Variants in SLC25A18 observed in about 807,000 individuals in gnomAD.
SLC25A18 encodes the protein mitochondrial glutamate carrier 2.
A neutral mutation model predicts 31.1 loss-of-function variants in SLC25A18; 24 were observed. The observed-to-expected ratio is 0.77, with a 90% confidence interval of 0.56 to 1.08. The LOEUF is 1.08. Among genes scored for constraint, SLC25A18 ranks in the 50% least tolerant of loss-of-function variants. SLC25A18 has a pLI of 0.00. For missense variants in SLC25A18, 371 were observed against 418.5 expected, an observed-to-expected ratio of 0.89 and a Z score of 0.99; for synonymous variants, 173 against 161.9, an observed-to-expected ratio of 1.07 and a Z score of -0.52.
chr22:17,563,701 A>G lies in SLC25A18; in HGVS notation c.-276A>G, dbSNP rs1333618696. ...CTGAGATGAACGTCGACTCGCTTGC[A>G]GGCAAGTTGTCAGTAAGTATTTATT... On this transcript the variant is annotated 5_prime_UTR_variant, in exon 1 of 11. Transcript: ENST00000327451. 3 of 985,292 alleles carry G rather than the reference A, an allele frequency of 3.0e-6. No homozygotes were observed. In the South Asian group the frequency reaches 1.4e-4, roughly 46 times the overall value. 61.0% of individuals were successfully genotyped at this position (985,292 alleles called of 1,614,324 possible).
Position 17,579,910 on chromosome 22 carries a change from C to A in SLC25A18, c.-35C>A. The stretch of plus-strand genomic sequence containing the variant: ...AACAGCGGCTACCCCAAGGAGCCAG[C>A]AGCCTTGTGTCCTGGGATCCCCAGC... On this transcript the variant is annotated 5_prime_UTR_variant, in exon 3 of 11. Transcript: ENST00000327451. 1 of 1,604,524 alleles carries A rather than the reference C, an allele frequency of 6.2e-7. No individual in the cohort carries two copies. The highest frequency in any genetic ancestry group is 8.5e-7 in the Non-Finnish European group (1 of 1,176,166).
chr22:17,580,803 C>G (rs994338525), intron 3 of SLC25A18: 2 of 1,286,800 alleles, frequency 1.6e-6, no homozygotes, highest in Admixed American at 3.8e-5. Flanking sequence ...CCCAGAAGCC[C>G]CTGCAGGTCC....
At chr22:17,563,940 G>T (rs778037037) in intron 1 of SLC25A18, among the ~76,000 whole-genome samples, 1 of 152,168 alleles carries the variant, frequency 6.6e-6, no homozygotes, top group Admixed American at 6.6e-5. Context: ...CCATGCAATC[G>T]TACCGGGAGG....
At chr22:17,585,094 A>G (rs1436442810) in intron 7 of SLC25A18, among the ~76,000 whole-genome samples, 1 of 151,830 alleles carries the variant, frequency 6.6e-6, no homozygotes, top group Non-Finnish European at 1.5e-5. Context: ...ACTAGTCTCC[A>G]GTAAAAAAAA....
chr22:17,571,932 G>A (rs1355638488), intron 2 of SLC25A18, among the ~76,000 whole-genome samples: 9 of 151,750 alleles, frequency 5.9e-5, no homozygotes, highest in Admixed American at 3.9e-4. Context: ...CAGGAGAATC[G>A]CTTGAACCTA....
chr22:17,583,641 T>G, intron 7 of SLC25A18, 107 bp downstream of exon 7: 8 of 1,449,024 alleles, frequency 5.5e-6, no homozygotes, highest in Non-Finnish European at 6.4e-6. Context: ...CAGTCAACTT[T>G]CCAAGCAGGT....
At chr22:17,574,526 T>C (rs1254032677) in intron 2 of SLC25A18, among the ~76,000 whole-genome samples, 2 of 151,116 alleles carry the variant, frequency 1.3e-5, no homozygotes. Flanking sequence ...TTTTTTTATT[T>C]TTTTTTTTGA....
rs762940522 is a variant in SLC25A18 at position 17,587,999 on chromosome 22, G to A, written c.650G>A (p.Gly217Asp). Residue 217 changes from glycine (G) to aspartate (D), a missense_variant, in exon 9 of 11, where the codon GGT (glycine) becomes GAT (aspartate). Gly to Asp is a moderately conservative substitution (Grantham distance 94, BLOSUM62 -1). Transcript: ENST00000327451. ...LNNLGFNELA[G>D]KASFAHSFVS... ...AACCTGGGGTTCAACGAGCTCGCCG[G>A]TAAGGCGTCCTTTGCACATTCCTTC... 3 of 1,614,094 alleles carry A rather than the reference G, an allele frequency of 1.9e-6. No individual in the cohort carries two copies. Among genetic ancestry groups the A allele is most frequent in the Non-Finnish European group, 2.5e-6 (3 of 1,180,064 alleles).
At position 17,582,644 on chromosome 22, in the gene SLC25A18, T is replaced by A. The variant is rs1316919246; in HGVS notation, c.281T>A (p.Met94Lys). Reference protein sequence around the residue: ...AANDFFRRLLMEDGMQRNLKM... With the variant: ...AANDFFRRLLKEDGMQRNLKM... Reference sequence around the variant, plus strand: ...AACGACTTTTTCCGGCGGCTGCTCATGGAAGATGGGTATGGCCAGGTGGGG... The same window carrying A: ...AACGACTTTTTCCGGCGGCTGCTCAAGGAAGATGGGTATGGCCAGGTGGGG... Residue 94 changes from methionine (M) to lysine (K), a missense_variant, in exon 6 of 11, where the codon ATG becomes AAG. Transcript: ENST00000327451. 1.9e-6 allele frequency: 3 copies of A among 1,602,458 alleles called. No homozygotes were observed. In the Admixed American group the frequency reaches 5.1e-5, roughly 27 times the overall value.
rs1601279642 is a variant in SLC25A18, at chr22:17,572,636, A to ATTTTT, written c.-201+2650_-201+2651insTTTTT. On this transcript the variant is annotated intron_variant, in intron 2 of 10. Transcript: ENST00000327451. ...TGGCGAGACCCCATCTCTACAAATA[A>ATTTTT]ATTTTTTTTTTTTTTTTTTTTTTGA... Among the ~76,000 whole-genome samples the ATTTTT allele has an allele frequency of 1.9e-5, 2 of 103,090 alleles. 1 individual carries two copies. The allele number at this position is 103,090 out of a possible 152,430, so 67.6% of individuals were successfully genotyped here. A position where few individuals can be genotyped will look rare whatever the true frequency, so the allele number is the denominator to read the frequency against.
At chr22:17,584,254 G>C (rs1418714263) in intron 7 of SLC25A18, among the ~76,000 whole-genome samples, 1 of 151,626 alleles carries the variant, frequency 6.6e-6, no homozygotes, top group Non-Finnish European at 1.5e-5. Context: ...TTAGCTGGGC[G>C]TGGTGGCGGG....
intron 1 of SLC25A18, among the ~76,000 whole-genome samples, chr22:17,566,720 C>T (rs1329528026): frequency 6.6e-6 from 1 of 152,104 alleles, no homozygotes; most frequent in Non-Finnish European, 1.5e-5. Flanking sequence ...CCCAGCCTGT[C>T]ATTTTCTCTT....
intron 2 of SLC25A18, among the ~76,000 whole-genome samples, chr22:17,573,141 A>G (rs569621229): frequency 6.6e-6 from 1 of 151,914 alleles, no homozygotes; most frequent in South Asian, 2.1e-4. Context: ...ATTTTCTACT[A>G]TTTTTTCTAT....
chr22:17,569,811 G>A (rs1366643219), intron 1 of SLC25A18, 113 bp from the exon 2 acceptor site: 8 of 985,426 alleles, frequency 8.1e-6, no homozygotes, highest in Non-Finnish European at 9.6e-6. Context: ...AGTGTGCGGT[G>A]AGAGTCTGGA....
At chr22:17,580,000 C>A in intron 3 of SLC25A18, 36 bp downstream of exon 3, 1 of 1,599,492 alleles carries the variant, frequency 6.3e-7, no homozygotes, top group Non-Finnish European at 8.5e-7. Context: ...GCCCTGGGCC[C>A]TGGGCCTGGC....
intron 5 of SLC25A18, chr22:17,581,677 T>G: frequency 2.0e-6 from 1 of 501,458 alleles, no homozygotes; most frequent in Non-Finnish European, 3.6e-6. Context: ...TCTGCCTGGC[T>G]AGAAGCGAAG....
In SLC25A18 at chr22:17,584,658, T is replaced by C. The variant is rs535437313; in HGVS notation, c.409+1124T>C. Among the ~76,000 whole-genome samples the C allele has an allele frequency of 4.0e-5, 6 of 151,078 alleles. No homozygotes were observed. The East Asian group carries it at 9.9e-4, about 25-fold the overall frequency. ...AGCCAGGCGTGGTGGTGTGTGCCTA[T>C]AATCTCAGCTACTCGGGAGGCTGAG... On this transcript the variant is annotated intron_variant, in intron 7 of 10. Transcript: ENST00000327451.
At chr22:17,565,975 G>C (rs1261782761) in intron 1 of SLC25A18, among the ~76,000 whole-genome samples, 1 of 152,086 alleles carries the variant, frequency 6.6e-6, no homozygotes, top group Non-Finnish European at 1.5e-5. Flanking sequence ...TTACAGGCGT[G>C]AGCCACCGCA....
intron 2 of SLC25A18, among the ~76,000 whole-genome samples, chr22:17,570,937 G>C (rs2057071392): frequency 6.6e-6 from 1 of 152,254 alleles, no homozygotes; most frequent in Non-Finnish European, 1.5e-5. Flanking sequence ...AAAGGCATGT[G>C]GGAGGAGGTG....
Sources: gnomAD v4.1 joint callset for allele counts (sites outside exome capture counted in the v4.1 genomes callset) on GRCh38, gnomAD v4.1.1 for gene constraint, MANE v1.5 for transcripts, NCBI Gene and HGNC (gene_info 2026-07-23, HGNC 2026-07-21) for gene names.